Variants in LRRC37A2 observed in about 807,000 individuals in gnomAD.
LRRC37A2 encodes the protein leucine-rich repeat-containing protein 37A2.
A neutral mutation model predicts 68.8 loss-of-function variants in LRRC37A2; 9 were observed. That is an observed-to-expected ratio of 0.13 (90% CI 0.08 to 0.23). The LOEUF (loss-of-function observed/expected upper bound fraction) is 0.23, where lower values mean the gene tolerates loss of function less well. LRRC37A2 is among the 10% of genes least tolerant of loss of function. The pLI is 1.00. For missense variants in LRRC37A2, 168 were observed against 950.4 expected (o/e 0.18, Z 10.82); for synonymous variants, 63 against 367.6 (o/e 0.17, Z 9.48).
At chr17:46,720,480 G>A in the LRRC37A2 span, among the ~76,000 whole-genome samples, 2 of 152,144 alleles carry the variant, frequency 1.3e-5, no homozygotes, top group Non-Finnish European at 2.9e-5. Context: ...GTCATTCCAG[G>A]AAGCTTTAGA....
chr17:47,018,746 C>T, the LRRC37A2 span: 3 of 1,520,920 alleles, frequency 2.0e-6, no homozygotes, highest in South Asian at 3.4e-5. Context: ...ATCAGGAGGC[C>T]CCAGCTCAGA....
chr17:46,789,834 G>A, the LRRC37A2 span, among the ~76,000 whole-genome samples: 1 of 152,232 alleles, frequency 6.6e-6, no homozygotes, highest in Non-Finnish European at 1.5e-5. Flanking sequence ...GCAGCTGCAG[G>A]TTGGGAGGCC....
the LRRC37A2 span, among the ~76,000 whole-genome samples, chr17:46,820,527 G>T: frequency 6.6e-6 from 1 of 152,090 alleles, no homozygotes; most frequent in African/African-American, 2.4e-5. Flanking sequence ...AAGAAAAATC[G>T]TGAACCTGAC....
At chr17:46,551,311 A>ACAGGC (rs1447114555) in intron 11 of LRRC37A2, among the ~76,000 whole-genome samples, 3 of 150,138 alleles carry the variant, frequency 2.0e-5, no homozygotes, top group African/African-American at 7.6e-5. Flanking sequence ...ACTTTTCCCA[A>ACAGGC]CAGGCCAGTG....
chr17:46,877,034 T>C, the LRRC37A2 span: 3 of 1,169,848 alleles, frequency 2.6e-6, no homozygotes, highest in East Asian at 1.2e-4. Context: ...ACTGAAATTT[T>C]GGACGGGAGA....
chr17:46,812,123 T>C, the LRRC37A2 span, among the ~76,000 whole-genome samples: 1 of 152,132 alleles, frequency 6.6e-6, no homozygotes, highest in African/African-American at 2.4e-5. Context: ...GGATCCAGCT[T>C]CCTTCCTCTT....
the LRRC37A2 span, among the ~76,000 whole-genome samples, chr17:46,716,985 T>G: frequency 6.6e-6 from 1 of 152,232 alleles, no homozygotes; most frequent in Non-Finnish European, 1.5e-5. Context: ...ACAATTAGGT[T>G]GTTTCCAGGT....
chr17:47,018,706 C>T, the LRRC37A2 span: 2 of 1,520,484 alleles, frequency 1.3e-6, no homozygotes, highest in Non-Finnish European at 1.8e-6. Flanking sequence ...CATCCACAGA[C>T]CGCTGAGGAG....
chr17:47,035,760 C>T, the LRRC37A2 span, among the ~76,000 whole-genome samples: 2 of 152,204 alleles, frequency 1.3e-5, no homozygotes, highest in Non-Finnish European at 2.9e-5. Flanking sequence ...GTGGCTGCTC[C>T]ATTTTACACT....
chr17:47,001,716 CCTT>C, the LRRC37A2 span, among the ~76,000 whole-genome samples: 3 of 139,272 alleles, frequency 2.2e-5, no homozygotes, highest in Non-Finnish European at 1.5e-5. Flanking sequence ...TCTCTTTTTT[CCTT>C]TTTTTTTTTT....
rs1284272306 is a variant in LRRC37A2, at chr17:46,534,534, C to G, written c.2907-5642C>G. 8.8e-5 allele frequency among the ~76,000 whole-genome samples: 13 copies of G among 148,114 alleles called. No individual in the cohort carries two copies. In the East Asian group the frequency reaches 2.2e-3, roughly 25 times the overall value. On this transcript the variant is annotated intron_variant, in intron 6 of 14. Coordinates refer to ENST00000576629, the Ensembl canonical transcript of LRRC37A2. Reference sequence around the variant, plus strand: ...TGGGGGTAAGGTCATAGATCAACAGCATCCCAAGGCAGAAGAATTTTTCTT... The same window carrying G: ...TGGGGGTAAGGTCATAGATCAACAGGATCCCAAGGCAGAAGAATTTTTCTT...
the LRRC37A2 span, among the ~76,000 whole-genome samples, chr17:46,933,968 C>A: frequency 4.0e-5 from 6 of 151,838 alleles, no homozygotes; most frequent in Non-Finnish European, 7.4e-5. Flanking sequence ...CGAAACAAAC[C>A]CCAGCACTAC....
the LRRC37A2 span, chr17:46,941,877 T>C: frequency 4.1e-6 from 4 of 969,332 alleles, no homozygotes; most frequent in Non-Finnish European, 4.9e-6. Flanking sequence ...TTAGCCACTG[T>C]ACCTGGCCTC....
chr17:46,901,591 C>T, the LRRC37A2 span, among the ~76,000 whole-genome samples: 1 of 152,148 alleles, frequency 6.6e-6, no homozygotes, highest in African/African-American at 2.4e-5. Context: ...GCGTGAGGGA[C>T]TTGATTTTTG....
chr17:46,710,966 T>C, the LRRC37A2 span: 2 of 1,590,030 alleles, frequency 1.3e-6, no homozygotes, highest in African/African-American at 1.4e-5. Context: ...TTAATAGGCC[T>C]TTGGCACAAA....
the LRRC37A2 span, chr17:46,935,423 T>C: frequency 7.0e-7 from 1 of 1,422,918 alleles, no homozygotes; most frequent in Non-Finnish European, 9.1e-7. Flanking sequence ...TCCCATTTAC[T>C]GAACTTATCA....
chr17:46,491,963 CTTTA>C, the LRRC37A2 span, among the ~76,000 whole-genome samples: 66 of 148,200 alleles, frequency 4.5e-4, no homozygotes, highest in Non-Finnish European at 7.5e-4. Flanking sequence ...TACTGTTTGA[CTTTA>C]TTTATTTAGT....
chr17:46,916,194 G>A, the LRRC37A2 span, among the ~76,000 whole-genome samples: 1 of 152,350 alleles, frequency 6.6e-6, no homozygotes, highest in East Asian at 1.9e-4. Flanking sequence ...CCATTATGCT[G>A]TAAGGCCAAC....
At chr17:46,897,064 A>G in the LRRC37A2 span, among the ~76,000 whole-genome samples, 1 of 152,174 alleles carries the variant, frequency 6.6e-6, no homozygotes, top group Admixed American at 6.5e-5. Flanking sequence ...CTAGATAAAC[A>G]GAAAGAGAGG....
Sources: allele counts gnomAD v4.1 joint callset (sites outside exome capture counted in the v4.1 genomes callset), GRCh38; gene constraint gnomAD v4.1.1; transcripts MANE v1.5; gene names NCBI Gene and HGNC (gene_info 2026-07-23, HGNC 2026-07-21).